Variants in VIPR1 observed in about 807,000 individuals in gnomAD.
The protein encoded by VIPR1 is vasoactive intestinal peptide receptor 1.
VIPR1 carries 59 observed loss-of-function variants against 58.8 expected under a neutral mutation model. The ratio of observed to expected loss-of-function variants is 1.00; its 90% confidence interval spans 0.81 to 1.25. The LOEUF (loss-of-function observed/expected upper bound fraction) is 1.25, where lower values mean the gene tolerates loss of function less well. Among genes scored for constraint, VIPR1 ranks in the 50% most tolerant of loss-of-function variants. The pLI is 0.00. For missense variants in VIPR1, 626 were observed against 602.7 expected (o/e 1.04, Z -0.40); for synonymous variants, 251 against 242.1 (o/e 1.04, Z -0.34).
chr3:42,495,371 T>C (rs1392325414), intron 1 of VIPR1, among the ~76,000 whole-genome samples: 2 of 152,138 alleles, frequency 1.3e-5, no homozygotes, highest in African/African-American at 2.4e-5. Context: ...TCTGCCCTCC[T>C]TGGCCTCCCA....
At chr3:42,491,399 A>G (rs1699662545) in intron 1 of VIPR1, among the ~76,000 whole-genome samples, 1 of 152,234 alleles carries the variant, frequency 6.6e-6, no homozygotes, top group Non-Finnish European at 1.5e-5. Flanking sequence ...CTTTAGATGT[A>G]CACACTCAAA....
In VIPR1 at chr3:42,502,821, T is replaced by G; in HGVS notation, c.78+8T>G. 1 of 1,256,364 alleles carries G rather than the reference T, an allele frequency of 8.0e-7. No individual in the cohort carries two copies. The highest frequency in any genetic ancestry group is 4.2e-5 in the Admixed American group (1 of 23,742). The allele number at this position is 1,256,364 out of a possible 1,614,324, so 77.8% of individuals were successfully genotyped here. A position where few individuals can be genotyped will look rare whatever the true frequency, so the allele number is the denominator to read the frequency against. ...TGGGCCCTTGGGCCGGCGGTGAGTG[T>G]TCGCCCGGCCGCCCAGAGTCCCGGC... On this transcript the variant is annotated splice_region_variant and intron_variant, in intron 1 of 12. Coordinates refer to ENST00000325123, the MANE Select transcript of VIPR1 (RefSeq NM_004624.4).
At chr3:42,523,011 G>A (rs1295252516) in intron 3 of VIPR1, among the ~76,000 whole-genome samples, 2 of 152,202 alleles carry the variant, frequency 1.3e-5, no homozygotes, top group African/African-American at 4.8e-5. Flanking sequence ...AGCAGACCTG[G>A]CAAGTGTCCC....
chr3:42,493,286 G>A (rs1353664011), intron 1 of VIPR1, among the ~76,000 whole-genome samples: 1 of 152,186 alleles, frequency 6.6e-6, no homozygotes, highest in Non-Finnish European at 1.5e-5. Flanking sequence ...GCCACTGTGG[G>A]CAGCCATCAG....
At chr3:42,523,090 C>CCG (rs1701042621) in intron 3 of VIPR1, among the ~76,000 whole-genome samples, 1 of 151,416 alleles carries the variant, frequency 6.6e-6, no homozygotes, top group African/African-American at 2.4e-5. Flanking sequence ...CCTGACCCCG[C>CCG]CCCCAGTGGA....
intron 8 of VIPR1, 44 bp downstream of exon 8, chr3:42,531,575 G>A: frequency 1.3e-6 from 2 of 1,586,848 alleles, no homozygotes; most frequent in African/African-American, 1.3e-5. Context: ...CATCACTTGG[G>A]CAGGCCCCCT....
chr3:42,508,531 ATATGTGTACACC>A (rs989877208), intron 1 of VIPR1, among the ~76,000 whole-genome samples: 2 of 152,218 alleles, frequency 1.3e-5, no homozygotes, highest in Non-Finnish European at 1.5e-5. Flanking sequence ...GAATTGTCAC[ATATGTGTACACC>A]TGTGTCACCA....
At chr3:42,505,197 G>A (rs1700061670) in intron 1 of VIPR1, among the ~76,000 whole-genome samples, 1 of 151,788 alleles carries the variant, frequency 6.6e-6, no homozygotes, top group Admixed American at 6.5e-5. Context: ...ACTGGGGCAG[G>A]GGTTGCTGAG....
intron 6 of VIPR1, chr3:42,528,679 GATC>G (rs1701368724): frequency 6.5e-6 from 1 of 152,924 alleles, no homozygotes; most frequent in Admixed American, 6.5e-5. Flanking sequence ...GAGGTAAAGG[GATC>G]ATCTAAGGAA....
In VIPR1 at chr3:42,537,015, T is replaced by C. The variant is rs192935426; in HGVS notation, c.*734T>C. 1 of 152,204 alleles carries C rather than the reference T, an allele frequency of 6.6e-6. No individual in the cohort carries two copies. The highest frequency in any genetic ancestry group is 1.5e-5 in the Non-Finnish European group (1 of 68,064). 9.4% of individuals were successfully genotyped at this position (152,204 alleles called of 1,614,324 possible). A position where few individuals can be genotyped will look rare whatever the true frequency, so the allele number is the denominator to read the frequency against. ...GGCAGCCACCAGCGAATGCTAGGTC[T>C]CGGACTAAGCCTACCTGCTCTCCAA... On this transcript the variant is annotated 3_prime_UTR_variant, in exon 13 of 13. Transcript: ENST00000325123.
intron 3 of VIPR1, among the ~76,000 whole-genome samples, chr3:42,525,372 A>ACCCCCCCCCCCCCCCCCC (rs1701175137): frequency 1.3e-5 from 1 of 77,386 alleles, no homozygotes; most frequent in Non-Finnish European, 2.8e-5. Context: ...CCCCAACCCC[A>ACCCCCCCCCCCCCCCCCC]CCCCTCCTCA....
At chr3:42,497,770 A>C (rs1577191935), upstream of VIPR1, among the ~76,000 whole-genome samples, 2 of 151,642 alleles carry the variant, frequency 1.3e-5, no homozygotes, top group Admixed American at 6.6e-5. Flanking sequence ...CCTCTGCACA[A>C]CCCCTTTTTG....
Position 42,530,995 on chromosome 3 carries a change from A to G in VIPR1, c.790+63A>G, listed in dbSNP as rs968753696. The G allele has an allele frequency of 1.1e-5, 18 of 1,590,916 alleles. No homozygotes were observed. The Admixed American group carries it at 2.9e-4, about 26-fold the overall frequency. On this transcript the variant is annotated intron_variant, in intron 7 of 12. Coordinates refer to ENST00000325123, the MANE Select transcript of VIPR1 (RefSeq NM_004624.4). The stretch of plus-strand genomic sequence containing the variant: ...GGGGGCAAGGCCTGGAGAACTCCCT[A>G]GGGGGAGGGTGCCAACCCAGCTTGC...
intron 3 of VIPR1, among the ~76,000 whole-genome samples, chr3:42,519,924 G>A (rs1700829664): frequency 6.6e-6 from 1 of 152,186 alleles, no homozygotes; most frequent in Non-Finnish European, 1.5e-5. Context: ...AGCCCCCGGG[G>A]CTGCTCTCCC....
chr3:42,500,788 C>T (rs1699852029), upstream of VIPR1, among the ~76,000 whole-genome samples: 2 of 152,200 alleles, frequency 1.3e-5, no homozygotes, highest in Admixed American at 6.5e-5. Context: ...GATTCAAACA[C>T]TCCCGCCATT....
chr3:42,522,080 A>AATAT lies in VIPR1; in HGVS notation c.292+2769_292+2772dup, dbSNP rs59106663. Among the ~76,000 whole-genome samples, 466 of 52,968 alleles carry AATAT rather than the reference A, an allele frequency of 8.8e-3. 21 individuals carry two copies. Among genetic ancestry groups the AATAT allele is most frequent in the Middle Eastern group, 0.025 (2 of 80 alleles). The allele number at this position is 52,968 out of a possible 152,430, so 34.7% of individuals were successfully genotyped here. On this transcript the variant is annotated intron_variant, in intron 3 of 12. Coordinates refer to ENST00000325123, the MANE Select transcript of VIPR1 (RefSeq NM_004624.4). Reference sequence around the variant, plus strand: ...TCTTTCATCTGTGTTTCTACCTTCGAATATATATATATATATATATATTTT... The same window carrying AATAT: ...TCTTTCATCTGTGTTTCTACCTTCGAATATATATATATATATATATATATATTTT...
At chr3:42,499,597 A>G (rs1699827905), upstream of VIPR1, among the ~76,000 whole-genome samples, 1 of 152,210 alleles carries the variant, frequency 6.6e-6, no homozygotes, top group Non-Finnish European at 1.5e-5. Context: ...GGAGGAATCC[A>G]TGCAAGAAGG....
chr3:42,530,560 T>C, intron 6 of VIPR1: 2 of 539,640 alleles, frequency 3.7e-6, no homozygotes, highest in Non-Finnish European at 6.5e-6. Context: ...AATTGATGGA[T>C]GGATAATTAA....
At chr3:42,497,798 G>A (rs574651669), upstream of VIPR1, among the ~76,000 whole-genome samples, 13 of 152,216 alleles carry the variant, frequency 8.5e-5, no homozygotes, top group East Asian at 2.3e-3. Flanking sequence ...TCTGCCTTTC[G>A]CCTTCTGCCA....
Sources: gnomAD v4.1 joint callset for allele counts (sites outside exome capture counted in the v4.1 genomes callset) on GRCh38, gnomAD v4.1.1 for gene constraint, MANE v1.5 for transcripts, NCBI Gene and HGNC (gene_info 2026-07-23, HGNC 2026-07-21) for gene names.